CALN1: variants seen among roughly 807,000 people sequenced by gnomAD.
CALN1 encodes calcium-binding protein 8.
CALN1 carries 17 observed loss-of-function variants against 30.6 expected under a neutral mutation model. That is an observed-to-expected ratio of 0.56 (90% CI 0.38 to 0.83). The LOEUF (loss-of-function observed/expected upper bound fraction) is 0.83. Among genes scored for constraint, CALN1 ranks in the 40% least tolerant of loss-of-function variants. The pLI, the probability that CALN1 is intolerant of heterozygous loss-of-function variation, is 0.00. For missense variants in CALN1, 291 were observed against 354.9 expected, an observed-to-expected ratio of 0.82 and a Z score of 1.45; for synonymous variants, 156 against 131.4, an observed-to-expected ratio of 1.19 and a Z score of -1.28.
chr7:72,123,243 A>G (rs183291424), intron 3 of CALN1, among the ~76,000 whole-genome samples: 1 of 152,298 alleles, frequency 6.6e-6, no homozygotes, highest in East Asian at 1.9e-4. Flanking sequence ...TGCCTGCTAG[A>G]AGTGAGCAGA....
At chr7:72,112,712 G>A (rs375814517) in intron 3 of CALN1, among the ~76,000 whole-genome samples, 3 of 152,330 alleles carry the variant, frequency 2.0e-5, no homozygotes, top group Admixed American at 6.5e-5. Flanking sequence ...AAGAGTTGCT[G>A]TTTACTTATA....
intron 5 of CALN1, among the ~76,000 whole-genome samples, chr7:71,984,042 A>AT (rs1440456825): frequency 6.6e-6 from 1 of 152,210 alleles, no homozygotes; most frequent in Non-Finnish European, 1.5e-5. Context: ...TAATCTAAAA[A>AT]ATATATATAA....
chr7:71,977,786 AC>A (rs1798172208), intron 5 of CALN1, among the ~76,000 whole-genome samples: 1 of 151,818 alleles, frequency 6.6e-6, no homozygotes, highest in South Asian at 2.1e-4. Context: ...ATAAAAATTA[AC>A]CGTGCATGGT....
intron 5 of CALN1, among the ~76,000 whole-genome samples, chr7:71,890,224 C>G (rs1413739663): frequency 6.6e-6 from 1 of 152,196 alleles, no homozygotes; most frequent in Non-Finnish European, 1.5e-5. Context: ...CCCGCCTCAG[C>G]CTCCCAAATA....
At chr7:72,392,011 C>A (rs550292073) in intron 2 of CALN1, among the ~76,000 whole-genome samples, 2 of 152,344 alleles carry the variant, frequency 1.3e-5, no homozygotes, top group African/African-American at 4.8e-5. Flanking sequence ...CAATAGCTTA[C>A]AAGGTTAAGT....
rs1426489853 is a variant in CALN1, at chr7:71,787,759, G to A, written c.*16C>T. The A allele has an allele frequency of 6.2e-7, 1 of 1,613,104 alleles. No homozygotes were observed. Among genetic ancestry groups the A allele is most frequent in the South Asian group, 1.1e-5 (1 of 91,042 alleles). Reference sequence around the variant, plus strand: ...TGCGCGGTGAGCTGCAACACAGTGTGGCTGGCGGGAGGCTGCTACTCCATG... The same window carrying A: ...TGCGCGGTGAGCTGCAACACAGTGTAGCTGGCGGGAGGCTGCTACTCCATG... On this transcript the variant is annotated 3_prime_UTR_variant, in exon 7 of 7. Coordinates refer to ENST00000395275, the MANE Select transcript of CALN1 (RefSeq NM_031468.4).
intron 2 of CALN1, among the ~76,000 whole-genome samples, chr7:72,306,497 G>A (rs1338114363): frequency 6.6e-6 from 1 of 151,918 alleles, no homozygotes; most frequent in African/African-American, 2.4e-5. Flanking sequence ...TTGTCAATCA[G>A]AAGATGTTTA....
intron 5 of CALN1, among the ~76,000 whole-genome samples, chr7:71,911,316 T>C (rs973232133): frequency 1.3e-5 from 2 of 152,180 alleles, no homozygotes; most frequent in African/African-American, 4.8e-5. Flanking sequence ...TGTGTAGAGA[T>C]CTTGGCATTG....
intron 3 of CALN1, among the ~76,000 whole-genome samples, chr7:72,194,004 G>A (rs1402271533): frequency 6.6e-6 from 1 of 152,154 alleles, no homozygotes; most frequent in Non-Finnish European, 1.5e-5. Flanking sequence ...TGGGTACAGT[G>A]TACACTGCTC....
intron 5 of CALN1, among the ~76,000 whole-genome samples, chr7:71,897,418 T>A (rs1399377713): frequency 1.3e-5 from 2 of 152,096 alleles, no homozygotes; most frequent in South Asian, 2.1e-4. Context: ...AAAGGGCCGG[T>A]TGGAAGAACC....
chr7:71,886,829 C>CA (rs796187253), intron 5 of CALN1, among the ~76,000 whole-genome samples: 6 of 151,436 alleles, frequency 4.0e-5, no homozygotes, highest in African/African-American at 1.5e-4. Flanking sequence ...TAGCATTCTG[C>CA]AATGAGGATC....
At chr7:71,831,871 C>CAAA (rs751078568) in intron 5 of CALN1, among the ~76,000 whole-genome samples, 232 of 20,860 alleles carry the variant, frequency 0.011, 45 homozygotes, top group Middle Eastern at 0.056. Context: ...AACCCTGCCT[C>CAAA]AAAAAAAAAA....
chr7:71,824,170 G>T (rs1020245894), intron 5 of CALN1, among the ~76,000 whole-genome samples: 2 of 152,112 alleles, frequency 1.3e-5, no homozygotes, highest in African/African-American at 2.4e-5. Flanking sequence ...CCTCTCTGTT[G>T]TTTAGTGTGG....
chr7:72,054,684 C>T (rs1025065927), intron 4 of CALN1, among the ~76,000 whole-genome samples: 3 of 151,600 alleles, frequency 2.0e-5, no homozygotes, highest in Admixed American at 6.6e-5. Context: ...ACTGCATGTT[C>T]TTACTTAGAA....
chr7:72,099,340 T>A (rs1806479857), intron 4 of CALN1, among the ~76,000 whole-genome samples: 1 of 148,548 alleles, frequency 6.7e-6, no homozygotes, highest in African/African-American at 2.5e-5. Flanking sequence ...TGCATCAACC[T>A]AATAAACATC....
At chr7:72,175,371 T>A (rs1452862867) in intron 3 of CALN1, among the ~76,000 whole-genome samples, 11 of 152,074 alleles carry the variant, frequency 7.2e-5, no homozygotes, top group Non-Finnish European at 5.9e-5. Flanking sequence ...AATCATTTTT[T>A]AAATAAGAAT....
intron 5 of CALN1, among the ~76,000 whole-genome samples, chr7:71,820,636 T>C (rs957199203): frequency 6.6e-6 from 1 of 152,236 alleles, no homozygotes; most frequent in Non-Finnish European, 1.5e-5. Flanking sequence ...TTGGGGTATA[T>C]ACCTAGAAGC....
intron 5 of CALN1, among the ~76,000 whole-genome samples, chr7:71,885,719 A>G (rs1401307832): frequency 2.6e-5 from 4 of 152,212 alleles, no homozygotes; most frequent in Non-Finnish European, 4.4e-5. Flanking sequence ...TAAACTACAA[A>G]CCAAACAAAT....
At chr7:72,347,039 C>G (rs1802681997) in intron 2 of CALN1, among the ~76,000 whole-genome samples, 1 of 151,970 alleles carries the variant, frequency 6.6e-6, no homozygotes, top group South Asian at 2.1e-4. Flanking sequence ...AATTGTCAAA[C>G]ATGTAACTGA....
Sources: gnomAD v4.1 joint callset for allele counts (sites outside exome capture counted in the v4.1 genomes callset) on GRCh38, gnomAD v4.1.1 for gene constraint, MANE v1.5 for transcripts, NCBI Gene and HGNC (gene_info 2026-07-23, HGNC 2026-07-21) for gene names.